The following PIK3C2A variants were observed in gnomAD, a reference collection of about 807,000 sequenced individuals.
The protein encoded by PIK3C2A is phosphatidylinositol 4-phosphate 3-kinase C2 domain-containing subunit alpha.
PIK3C2A carries 97 observed loss-of-function variants against 204.5 expected under a neutral mutation model. That is an observed-to-expected ratio of 0.47 (90% confidence interval 0.40 to 0.56). The LOEUF is 0.56. Among genes scored for constraint, PIK3C2A ranks in the 20% least tolerant of loss-of-function variants. The pLI, the probability that PIK3C2A is intolerant of heterozygous loss-of-function variation, is 0.00. For missense variants in PIK3C2A, 1,735 were observed against 1,969.2 expected, an observed-to-expected ratio of 0.88 and a Z score of 2.25; for synonymous variants, 653 against 664.4, an observed-to-expected ratio of 0.98 and a Z score of 0.26.
chr11:17,176,963 A>C (rs983596039), intron 1 of PIK3C2A, among the ~76,000 whole-genome samples: 2 of 152,148 alleles, frequency 1.3e-5, no homozygotes, highest in African/African-American at 2.4e-5. Context: ...AATCCTCACA[A>C]ATTTTATAAA....
At chr11:17,090,058 G>C in intron 32 of PIK3C2A, 138 bp from the exon 33 acceptor site, 1 of 638,732 alleles carries the variant, frequency 1.6e-6, no homozygotes. Context: ...CATCCGGTAG[G>C]TTTTGTCTGA....
intron 1 of PIK3C2A, among the ~76,000 whole-genome samples, chr11:17,183,225 T>C (rs1334908419): frequency 6.6e-6 from 1 of 152,164 alleles, no homozygotes; most frequent in African/African-American, 2.4e-5. Flanking sequence ...CTTTCCAAGG[T>C]TTCAGTCACC....
chr11:17,105,947 A>T (rs1014896081), intron 22 of PIK3C2A, among the ~76,000 whole-genome samples: 2 of 151,724 alleles, frequency 1.3e-5, no homozygotes, highest in Non-Finnish European at 2.9e-5. Context: ...CGTCTCTACT[A>T]AAAATACAAA....
Position 17,136,575 on chromosome 11 carries a change from A to G in PIK3C2A, c.1755T>C (p.Cys585=), listed in dbSNP as rs777502908. The change falls in exon 9 of 33, where the codon TGT becomes TGC. Residue 585 remains cysteine (C), a synonymous_variant. Transcript: ENST00000691414. ...DQVIKAVRKI[C]SALDGVETLA... The stretch of plus-strand genomic sequence containing the variant: ...GAGTCTCGACACCATCTAAAGCACT[A>G]CAGATTTTTCTTACAGCTTTAATTA... 3.8e-6 allele frequency: 6 copies of G among 1,596,254 alleles called. No individual in the cohort carries two copies. In the East Asian group the frequency reaches 1.3e-4, roughly 36 times the overall value.
rs1340302513 is a variant in PIK3C2A, at chr11:17,169,281, A to G, written c.461T>C (p.Leu154Ser). ...GTAAGTAGAAGGATAAATAGAAGGT[A>G]AAGCATAAGTGGAAGGCCCAGGTAA... ...PGLPGPSTYA[L>S]PSIYPSTYSK... is the part of the protein sequence containing the mutation. The change falls in exon 2 of 33, where the codon TTA (leucine) becomes TCA (serine). Residue 154 changes from leucine to serine, a missense_variant. By Grantham distance (145) the Leu-to-Ser change is moderately radical (BLOSUM62 -2). Transcript: ENST00000691414. 1 of 1,614,072 alleles carries G rather than the reference A, an allele frequency of 6.2e-7. No homozygotes were observed. Among genetic ancestry groups the G allele is most frequent in the African/African-American group, 1.3e-5 (1 of 74,946 alleles).
In PIK3C2A at chr11:17,169,212, G is replaced by C. The variant is rs774473141; in HGVS notation, c.530C>G (p.Pro177Arg). ...AFQNGFNPRM[P>R]TFPSTEPIYL... The stretch of plus-strand genomic sequence containing the variant: ...TATAGGTTCTGTAGATGGAAAAGTG[G>C]GCATTCTTGGATTGAAGCCATTTTG... The change falls in exon 2 of 33, where the codon CCC (proline) becomes CGC (arginine). Residue 177 changes from proline (P) to arginine (R), a missense_variant. Pro to Arg is a moderately radical substitution (Grantham distance 103). Coordinates refer to ENST00000691414, the MANE Select transcript of PIK3C2A (RefSeq NM_002645.4). 1 of 1,614,036 alleles carries C rather than the reference G, an allele frequency of 6.2e-7. No individual in the cohort carries two copies. Among genetic ancestry groups the C allele is most frequent in the East Asian group, 2.2e-5 (1 of 44,872 alleles).
At chr11:17,100,045 T>G (rs1417991471) in intron 25 of PIK3C2A, 76 bp from the exon 26 acceptor site, 2 of 731,374 alleles carry the variant, frequency 2.7e-6, no homozygotes, top group African/African-American at 3.5e-5. Flanking sequence ...TGTGGGCTGC[T>G]CAAGTAATCA....
chr11:17,204,366 T>C (rs538092281), intron 1 of PIK3C2A: 3 of 152,352 alleles, frequency 2.0e-5, no homozygotes, highest in East Asian at 3.9e-4. Flanking sequence ...TTTATATATG[T>C]AGTCGAATCC....
chr11:17,101,757 C>T (rs1414422045), intron 24 of PIK3C2A, among the ~76,000 whole-genome samples: 5 of 151,284 alleles, frequency 3.3e-5, no homozygotes, highest in African/African-American at 7.3e-5. Flanking sequence ...GGGCCCGCCA[C>T]CACGCCCGGC....
At chr11:17,131,263 GAATA>G (rs1849685107) in intron 12 of PIK3C2A, among the ~76,000 whole-genome samples, 2 of 152,056 alleles carry the variant, frequency 1.3e-5, no homozygotes, top group South Asian at 4.1e-4. Flanking sequence ...TAGTGTTACA[GAATA>G]AATACTGAAG....
intron 1 of PIK3C2A, among the ~76,000 whole-genome samples, chr11:17,198,259 G>A (rs1009504341): frequency 6.6e-6 from 1 of 151,840 alleles, no homozygotes; most frequent in Non-Finnish European, 1.5e-5. Flanking sequence ...ACAGGTGCCC[G>A]CCACCACACC....
At chr11:17,101,636 C>A (rs1351585372) in intron 24 of PIK3C2A, among the ~76,000 whole-genome samples, 1 of 147,154 alleles carries the variant, frequency 6.8e-6, no homozygotes, top group Non-Finnish European at 1.5e-5. Context: ...CAGAGTCCTG[C>A]TCTGTCGCCC....
chr11:17,128,943 G>A (rs1849606577), intron 13 of PIK3C2A, among the ~76,000 whole-genome samples: 1 of 152,122 alleles, frequency 6.6e-6, no homozygotes, highest in Non-Finnish European at 1.5e-5. Context: ...GAAAGAAATG[G>A]GAAAAGGAAA....
intron 3 of PIK3C2A, among the ~76,000 whole-genome samples, chr11:17,151,736 G>C (rs2137438070): frequency 6.6e-6 from 1 of 152,248 alleles, no homozygotes; most frequent in South Asian, 2.1e-4. Context: ...AAAGCGTTTA[G>C]AACAGTGCCT....
intron 1 of PIK3C2A, among the ~76,000 whole-genome samples, chr11:17,171,095 T>G (rs993521300): frequency 6.6e-6 from 1 of 151,996 alleles, no homozygotes; most frequent in African/African-American, 2.4e-5. Flanking sequence ...AGAGAGAGAC[T>G]CCGTCTCAAA....
intron 11 of PIK3C2A, among the ~76,000 whole-genome samples, chr11:17,133,060 A>G (rs1849751303): frequency 6.6e-6 from 1 of 152,238 alleles, no homozygotes; most frequent in Non-Finnish European, 1.5e-5. Flanking sequence ...AATTTAATTC[A>G]AATCAAATTT....
At chr11:17,162,451 T>G (rs1030488661) in intron 2 of PIK3C2A, among the ~76,000 whole-genome samples, 1 of 152,210 alleles carries the variant, frequency 6.6e-6, no homozygotes, top group Non-Finnish European at 1.5e-5. Flanking sequence ...CTGTTAAATT[T>G]AGCCTAAACC....
chr11:17,114,509 A>C lies in PIK3C2A; in HGVS notation c.3217-44T>G, dbSNP rs781544982. On this transcript the variant is annotated intron_variant, in intron 19 of 32. Transcript: ENST00000691414. ...TACTGTAAGTACATAATGAAAATGA[A>C]GATCTATTTTTCAGACAAGTTATGC... 7 of 889,614 alleles carry C rather than the reference A, an allele frequency of 7.9e-6. No homozygotes were observed. The Middle Eastern group carries it at 7.6e-4, about 96-fold the overall frequency. 55.1% of individuals were successfully genotyped at this position (889,614 alleles called of 1,614,324 possible).
chr11:17,097,264 C>G lies in PIK3C2A; in HGVS notation c.4119G>C (p.Arg1373Ser). 1 of 1,596,820 alleles carries G rather than the reference C, an allele frequency of 6.3e-7. No homozygotes were observed. The highest frequency in any genetic ancestry group is 8.6e-7 in the Non-Finnish European group (1 of 1,166,124). Residue 1373 changes from arginine (R) to serine (S), a missense_variant and splice_region_variant, in exon 27 of 33, where the codon AGG becomes AGC. Coordinates refer to ENST00000691414, the MANE Select transcript of PIK3C2A (RefSeq NM_002645.4). ...TDAEATIFFTRLIESSLGSIA... is the reference protein window; with the variant it reads ...TDAEATIFFTSLIESSLGSIA... ...TGCTTCCCAAACTTGATTCAATAAG[C>G]CTACAAAATAATCAGAAAATTCGTT... is the stretch of plus-strand genomic sequence containing the variant.
Sources: allele counts gnomAD v4.1 joint callset (sites outside exome capture counted in the v4.1 genomes callset), GRCh38; gene constraint gnomAD v4.1.1; transcripts MANE v1.5; gene names NCBI Gene and HGNC (gene_info 2026-07-23, HGNC 2026-07-21).